Variants in NRG3 observed in about 807,000 individuals in gnomAD.
NRG3 encodes neuregulin 3, also known as pro-neuregulin-3, membrane-bound isoform.
Under a neutral mutation model 66.9 loss-of-function variants are expected in NRG3, and 31 were observed. The ratio of observed to expected loss-of-function variants is 0.46; its 90% CI spans 0.35 to 0.63. NRG3 has a LOEUF of 0.63. Ranked by LOEUF, NRG3 falls within the 20% of genes least tolerant of loss-of-function variation. The pLI, the probability that NRG3 is intolerant of heterozygous loss-of-function variation, is 0.00. For missense variants in NRG3, 910 were observed against 878.9 expected (o/e 1.04, Z -0.45); for synonymous variants, 393 against 359.4 (o/e 1.09, Z -1.06).
At chr10:82,822,982 G>C (rs899401252) in intron 3 of NRG3, among the ~76,000 whole-genome samples, 3 of 152,142 alleles carry the variant, frequency 2.0e-5, no homozygotes, top group Non-Finnish European at 4.4e-5. Flanking sequence ...ATAACAATTC[G>C]AATGCCTAGT....
intron 1 of NRG3, among the ~76,000 whole-genome samples, chr10:82,000,459 A>C (rs1163896917): frequency 6.6e-6 from 1 of 152,178 alleles, no homozygotes; most frequent in Non-Finnish European, 1.5e-5. Flanking sequence ...TTCTGGCAGA[A>C]ATGTGAATGG....
intron 2 of NRG3, among the ~76,000 whole-genome samples, chr10:82,726,738 A>G (rs2057625443): frequency 6.6e-6 from 1 of 152,158 alleles, no homozygotes. Context: ...ATTTGGAAAT[A>G]ACTTTGGAAC....
intron 2 of NRG3, among the ~76,000 whole-genome samples, chr10:82,499,974 G>A (rs934285623): frequency 1.3e-5 from 2 of 152,164 alleles, no homozygotes; most frequent in South Asian, 2.1e-4. Flanking sequence ...CCTTCATTGT[G>A]AGTATAAAGC....
chr10:81,985,771 T>A (rs2060495055), intron 1 of NRG3, among the ~76,000 whole-genome samples: 1 of 152,238 alleles, frequency 6.6e-6, no homozygotes, highest in Non-Finnish European at 1.5e-5. Context: ...ATAGCATGAA[T>A]CACCCACATG....
At chr10:82,014,992 G>A (rs1270132200) in intron 1 of NRG3, among the ~76,000 whole-genome samples, 2 of 152,088 alleles carry the variant, frequency 1.3e-5, no homozygotes, top group Non-Finnish European at 2.9e-5. Context: ...AGCTTTCTGG[G>A]AGTCTCCACT....
chr10:82,727,775 AC>A (rs1370073940), intron 2 of NRG3, among the ~76,000 whole-genome samples: 3 of 152,092 alleles, frequency 2.0e-5, no homozygotes, highest in African/African-American at 7.2e-5. Context: ...TGCACTGTGC[AC>A]CTGAAAAAGC....
chr10:82,245,263 T>C (rs552374696), intron 1 of NRG3, among the ~76,000 whole-genome samples: 3 of 152,222 alleles, frequency 2.0e-5, no homozygotes, highest in Non-Finnish European at 2.9e-5. Flanking sequence ...ACAATAGGGT[T>C]CTCACTCCTG....
At chr10:82,888,484 A>C (rs1437256340) in intron 4 of NRG3, among the ~76,000 whole-genome samples, 1 of 152,188 alleles carries the variant, frequency 6.6e-6, no homozygotes, top group Non-Finnish European at 1.5e-5. Context: ...CTCATCACAA[A>C]AATCTCTTTT....
chr10:82,296,671 C>T (rs1305315835), intron 1 of NRG3, among the ~76,000 whole-genome samples: 1 of 152,102 alleles, frequency 6.6e-6, no homozygotes, highest in African/African-American at 2.4e-5. Flanking sequence ...AACATTTCAA[C>T]TCTTTTCTTC....
chr10:82,981,429 A>G (rs1460765428), intron 8 of NRG3, among the ~76,000 whole-genome samples: 3 of 152,122 alleles, frequency 2.0e-5, no homozygotes, highest in Non-Finnish European at 4.4e-5. Flanking sequence ...AAAAACAGCC[A>G]TTTTCCACTC....
At chr10:82,329,601 CT>C (rs944895777) in intron 1 of NRG3, among the ~76,000 whole-genome samples, 8 of 152,022 alleles carry the variant, frequency 5.3e-5, no homozygotes, top group African/African-American at 1.9e-4. Flanking sequence ...GTTTTTAGAT[CT>C]TTTGTCATAT....
intron 1 of NRG3, among the ~76,000 whole-genome samples, chr10:82,170,296 A>C (rs1369970183): frequency 6.6e-6 from 1 of 152,036 alleles, no homozygotes; most frequent in African/African-American, 2.4e-5. Flanking sequence ...CAGCTCACAG[A>C]GTACTACTGT....
At chr10:82,108,951 A>G (rs548609891) in intron 1 of NRG3, among the ~76,000 whole-genome samples, 1 of 152,262 alleles carries the variant, frequency 6.6e-6, no homozygotes, top group Admixed American at 6.5e-5. Context: ...TTTTAATAAC[A>G]AACCTTGGGA....
chr10:82,047,590 C>G (rs1223192812), intron 1 of NRG3, among the ~76,000 whole-genome samples: 2 of 151,188 alleles, frequency 1.3e-5, no homozygotes, highest in Non-Finnish European at 2.9e-5. Flanking sequence ...TAAAAGAGCT[C>G]CTGAAGGAAG....
chr10:82,315,667 GTT>G (rs754250306), intron 1 of NRG3, among the ~76,000 whole-genome samples: 6 of 136,342 alleles, frequency 4.4e-5, no homozygotes, highest in East Asian at 2.1e-4. Flanking sequence ...TACGTTTGTT[GTT>G]TTTTTTTTTT....
At chr10:81,983,140 A>T (rs2060397239) in intron 1 of NRG3, among the ~76,000 whole-genome samples, 1 of 152,174 alleles carries the variant, frequency 6.6e-6, no homozygotes, top group Admixed American at 6.5e-5. Flanking sequence ...AAAGTGCTAA[A>T]TTGCTTGTAA....
At position 82,738,657 on chromosome 10, in the gene NRG3, C is replaced by T; in HGVS notation, c.1027+7C>T. 3 of 1,613,152 alleles carry T rather than the reference C, an allele frequency of 1.9e-6. No individual in the cohort carries two copies. Among genetic ancestry groups the T allele is most frequent in the Non-Finnish European group, 2.5e-6 (3 of 1,179,142 alleles). On this transcript the variant is annotated splice_region_variant and intron_variant, in intron 3 of 8. Transcript: ENST00000372141. ...TCCATCTTATCGGATCCAAGTAGGT[C>T]AAGCATTTTTCTTCTCTCTAATGCA... is the stretch of plus-strand genomic sequence containing the variant.
chr10:82,252,029 G>A (rs1283473468), intron 1 of NRG3, among the ~76,000 whole-genome samples: 1 of 152,172 alleles, frequency 6.6e-6, no homozygotes, highest in Non-Finnish European at 1.5e-5. Context: ...GCCCTGCATG[G>A]TGCTGTGGAC....
chr10:82,780,480 C>CTT (rs150086019), intron 3 of NRG3, among the ~76,000 whole-genome samples: 1,326 of 106,060 alleles, frequency 0.013, 19 homozygotes, highest in East Asian at 0.046. Flanking sequence ...TTTTTCTTTT[C>CTT]TTTTTTTTTT....
Sources: gnomAD v4.1 joint callset for allele counts (sites outside exome capture counted in the v4.1 genomes callset) on GRCh38, gnomAD v4.1.1 for gene constraint, MANE v1.5 for transcripts, NCBI Gene and HGNC (gene_info 2026-07-23, HGNC 2026-07-21) for gene names.